IFT122: variants seen among roughly 807,000 people sequenced by gnomAD.
IFT122 encodes the protein intraflagellar transport 122.
IFT122 carries 118 observed loss-of-function variants against 161.6 expected under a neutral mutation model. The observed-to-expected ratio is 0.73, with a 90% CI of 0.63 to 0.85. The LOEUF (loss-of-function observed/expected upper bound fraction) is 0.85, where lower values mean the gene tolerates loss of function less well. Among genes scored for constraint, IFT122 ranks in the 40% least tolerant of loss-of-function variants. The pLI is 0.00. For synonymous variants in IFT122, 550 were observed against 602.4 expected, an observed-to-expected ratio of 0.91 and a Z score of 1.27; for missense variants, 1,381 against 1,579.6, an observed-to-expected ratio of 0.87 and a Z score of 2.13.
In IFT122 at chr3:129,476,860, G is replaced by T; in HGVS notation, c.1147+59G>T. ...CAGGTGGAAGCAGGTGGAAAGGGCT[G>T]GTGACAGGGCACTTGAAATGACAGG... On this transcript the variant is annotated intron_variant, in intron 11 of 29. Coordinates refer to ENST00000348417, the MANE Select transcript of IFT122 (RefSeq NM_052989.3). The T allele has an allele frequency of 2.5e-6, 4 of 1,605,582 alleles. No homozygotes were observed. The South Asian group carries it at 4.4e-5, about 18-fold the overall frequency.
intron 3 of IFT122, 155 bp downstream of exon 3, chr3:129,452,153 T>C: frequency 1.5e-6 from 1 of 657,794 alleles, no homozygotes; most frequent in African/African-American, 1.8e-5. Flanking sequence ...GGTCATTCAA[T>C]CTAGCAAGTA....
At chr3:129,465,029 C>T (rs1284389088) in intron 7 of IFT122, among the ~76,000 whole-genome samples, 1 of 151,552 alleles carries the variant, frequency 6.6e-6, no homozygotes, top group Non-Finnish European at 1.5e-5. Flanking sequence ...AGCAGATGAG[C>T]TATTTAGGAC....
chr3:129,464,848 A>G, intron 7 of IFT122, 67 bp downstream of exon 7: 1 of 1,548,592 alleles, frequency 6.5e-7, no homozygotes, highest in Non-Finnish European at 8.9e-7. Context: ...TGTCTTCCTG[A>G]GGTCTCCCTA....
At chr3:129,471,983 C>T (rs1267846545) in intron 9 of IFT122, among the ~76,000 whole-genome samples, 6 of 152,024 alleles carry the variant, frequency 3.9e-5, no homozygotes, top group East Asian at 1.9e-4. Flanking sequence ...TTTACATGTA[C>T]GAAAATTGAA....
At chr3:129,492,319 T>G in intron 17 of IFT122, 125 bp downstream of exon 17, 1 of 819,356 alleles carries the variant, frequency 1.2e-6, no homozygotes, top group East Asian at 2.4e-5. Flanking sequence ...TCTGGGCATC[T>G]GGGCCACAGC....
chr3:129,481,883 G>A (rs538233533), intron 14 of IFT122, among the ~76,000 whole-genome samples, 189 bp downstream of exon 14: 89 of 152,234 alleles, frequency 5.8e-4, no homozygotes, highest in Middle Eastern at 3.2e-3. Flanking sequence ...GGCACAAGCC[G>A]CAGGGCCTGG....
At chr3:129,492,833 T>TTC (rs2080308467) in intron 17 of IFT122, among the ~76,000 whole-genome samples, 1 of 150,686 alleles carries the variant, frequency 6.6e-6, no homozygotes, top group Admixed American at 6.6e-5. Context: ...TTTTTTTTTT[T>TTC]TCTGAAACAA....
Position 129,514,454 on chromosome 3 carries a change from C to G in IFT122, c.3053C>G (p.Ala1018Gly), listed in dbSNP as rs767833675. ...GGTGCCTACAGGCTGGCCCGGCACG[C>G]CTATGACAAGCTGCGTGGCCTGTAC... Reference protein sequence around the residue: ...ALGAYRLARHAYDKLRGLYIP... With the variant: ...ALGAYRLARHGYDKLRGLYIP... The change falls in exon 25 of 30, where the codon GCC becomes GGC. Residue 1018 changes from alanine to glycine, a missense_variant. Transcript: ENST00000348417. The G allele has an allele frequency of 2.7e-5, 43 of 1,614,100 alleles. No individual in the cohort carries two copies. Among genetic ancestry groups the G allele is most frequent in the Non-Finnish European group, 6.8e-6 (8 of 1,180,042 alleles).
chr3:129,492,248 T>C, intron 17 of IFT122, 54 bp downstream of exon 17: 2 of 1,372,668 alleles, frequency 1.5e-6, no homozygotes, highest in East Asian at 4.6e-5. Flanking sequence ...GGTTCCTGTT[T>C]TAGGGGCAGC....
At chr3:129,463,210 A>G (rs2076363532) in intron 5 of IFT122, 1 of 305,676 alleles carries the variant, frequency 3.3e-6, no homozygotes, top group Admixed American at 4.6e-5. Flanking sequence ...AAGTGTGTAT[A>G]TTATATAGTT....
intron 21 of IFT122, among the ~76,000 whole-genome samples, chr3:129,505,375 T>C (rs573102863): frequency 1.1e-4 from 17 of 152,344 alleles, no homozygotes; most frequent in African/African-American, 4.1e-4. Flanking sequence ...GCAGAACAAA[T>C]GTCTCCCTGT....
At chr3:129,495,661 C>A in intron 18 of IFT122, 54 bp downstream of exon 18, 1 of 1,594,400 alleles carries the variant, frequency 6.3e-7, no homozygotes, top group Non-Finnish European at 8.6e-7. Context: ...CTGGTATTCT[C>A]ACGTGCGGTG....
In IFT122 at chr3:129,447,837, T is replaced by C. The variant is rs149361976; in HGVS notation, c.42-2034T>C. The stretch of plus-strand genomic sequence containing the variant: ...AAATGTTTATCATACTTAAAGTCTG[T>C]GTTGATATTAATGCCGGAGAGGTAC... On this transcript the variant is annotated intron_variant, in intron 1 of 29. Coordinates refer to ENST00000348417, the MANE Select transcript of IFT122 (RefSeq NM_052989.3). 5.9e-5 allele frequency among the ~76,000 whole-genome samples: 9 copies of C among 152,186 alleles called. No individual in the cohort carries two copies. The East Asian group carries it at 1.5e-3, about 26-fold the overall frequency.
At chr3:129,516,245 T>C (rs1408259357) in intron 26 of IFT122, among the ~76,000 whole-genome samples, 3 of 69,404 alleles carry the variant, frequency 4.3e-5, no homozygotes, top group African/African-American at 5.8e-5. Flanking sequence ...TGCCCCTGCG[T>C]GCACACACAG....
intron 5 of IFT122, 63 bp from the exon 6 acceptor site, chr3:129,463,497 C>T: frequency 7.8e-7 from 1 of 1,285,922 alleles, no homozygotes; most frequent in Non-Finnish European, 1.1e-6. Flanking sequence ...ATTATTTGTT[C>T]CTTTTTATTG....
intron 29 of IFT122, 115 bp downstream of exon 29, chr3:129,519,847 T>G: frequency 7.8e-7 from 1 of 1,282,114 alleles, no homozygotes; most frequent in East Asian, 2.3e-5. Context: ...TGGCTCCAAG[T>G]TGGGACAGAG....
At position 129,476,658 on chromosome 3, in the gene IFT122, C is replaced by T. The variant is rs757709353; in HGVS notation, c.1009-5C>T. On this transcript the variant is annotated splice_polypyrimidine_tract_variant and splice_region_variant and intron_variant, in intron 10 of 29. Coordinates refer to ENST00000348417, the MANE Select transcript of IFT122 (RefSeq NM_052989.3). Reference sequence around the variant, plus strand: ...CTGGGAATTGACAGTTCTCTCACCCCGCAGGTGGTCGGCTGCCAGGACGGC... The same window carrying T: ...CTGGGAATTGACAGTTCTCTCACCCTGCAGGTGGTCGGCTGCCAGGACGGC... 2.0e-5 allele frequency: 33 copies of T among 1,614,074 alleles called. 2 individuals are homozygous for T. The Middle Eastern group carries it at 4.9e-4, about 24-fold the overall frequency.
intron 17 of IFT122, among the ~76,000 whole-genome samples, chr3:129,493,621 C>T (rs1475909291): frequency 6.6e-6 from 1 of 152,194 alleles, no homozygotes; most frequent in African/African-American, 2.4e-5. Context: ...GGCCACATAC[C>T]CTCCCTACCC....
At position 129,506,541 on chromosome 3, in the gene IFT122, T is replaced by C. The variant is rs747428443; in HGVS notation, c.2783T>C (p.Ile928Thr). The change falls in exon 22 of 30, where the codon ATA becomes ACA. Residue 928 changes from isoleucine (I) to threonine (T), a missense_variant. Ile to Thr is a moderately conservative substitution (Grantham distance 89, BLOSUM62 -1). This residue lies in a region of IFT122 where 496 missense variants were observed against 502.5 expected (regional missense o/e 0.99). Transcript: ENST00000348417. ...YWMLSMQCLD[I>T]AQDPAQKDTM... ...ATGCTGTCCATGCAGTGCCTCGATA[T>C]AGCTCAAGGTGTGTAAACATCAGCC... 6.8e-6 allele frequency: 11 copies of C among 1,614,130 alleles called. 1 individual carries two copies. The highest frequency in any genetic ancestry group is 2.2e-5 in the South Asian group (2 of 91,094).
Sources: gnomAD v4.1 joint callset for allele counts (sites outside exome capture counted in the v4.1 genomes callset) on GRCh38, gnomAD v4.1.1 for gene constraint, gnomAD v4.1.1 regional missense constraint, MANE v1.5 for transcripts, NCBI Gene and HGNC (gene_info 2026-07-23, HGNC 2026-07-21) for gene names.